EFHC2: variants seen among roughly 807,000 people sequenced by gnomAD.
EFHC2 encodes the protein EF-hand domain-containing family member C2.
Under a neutral mutation model 52.7 loss-of-function variants are expected in EFHC2, and 18 were observed. That is an observed-to-expected ratio of 0.34 (90% CI 0.24 to 0.51). The LOEUF (loss-of-function observed/expected upper bound fraction) is 0.51. EFHC2 is among the 20% of genes least tolerant of loss of function. The pLI is 0.97. For synonymous variants in EFHC2, 203 were observed against 204.1 expected (o/e 0.99, Z 0.04); for missense variants, 513 against 562.5 (o/e 0.91, Z 0.89).
chrX:44,180,372 C>T (rs1309647990), intron 11 of EFHC2, among the ~76,000 whole-genome samples: 1 of 112,367 alleles, frequency 8.9e-6, no homozygotes, highest in African/African-American at 3.2e-5. Context: ...AGGAAAGCCC[C>T]TGGCTCCTCT....
chrX:44,274,965 G>T (rs1309964488), intron 2 of EFHC2, among the ~76,000 whole-genome samples: 1 of 111,304 alleles, frequency 9.0e-6, no homozygotes, highest in Non-Finnish European at 1.9e-5. Flanking sequence ...AAGAGCTGGG[G>T]CTTCATCAAA....
At chrX:44,309,267 A>G (rs1283919980) in intron 2 of EFHC2, 10 of 526,307 alleles carry the variant, frequency 1.9e-5, no homozygotes, top group African/African-American at 5.8e-5. Flanking sequence ...GATTTTTTTT[A>G]TGAGATGGAA....
At chrX:44,238,715 G>A (rs2037338268) in intron 8 of EFHC2, among the ~76,000 whole-genome samples, 1 of 111,529 alleles carries the variant, frequency 9.0e-6, no homozygotes, top group South Asian at 3.8e-4. Flanking sequence ...CCTCAGTAAA[G>A]TCCATCAAGA....
chrX:44,263,921 T>C (rs1361720966), intron 3 of EFHC2, among the ~76,000 whole-genome samples: 4 of 111,990 alleles, frequency 3.6e-5, no homozygotes, highest in Non-Finnish European at 5.6e-5. Flanking sequence ...TTTTTCTAGG[T>C]GGCAAAAACT....
rs1256201493 is a variant in EFHC2, at chrX:44,305,154, C to T, written c.231+7414G>A. Among the ~76,000 whole-genome samples, 4 of 109,940 alleles carry T rather than the reference C, an allele frequency of 3.6e-5. No individual in the cohort carries two copies. The Middle Eastern group carries it at 0.014, about 378-fold the overall frequency. ...GTGGGTGCCTGTAGTCCCAGCTACT[C>T]GGGAGGCTGAGACAGGAGAATCGCT... On this transcript the variant is annotated intron_variant, in intron 2 of 14. Coordinates refer to ENST00000420999, the MANE Select transcript of EFHC2 (RefSeq NM_025184.4).
At chrX:44,240,208 G>A (rs780214497) in intron 8 of EFHC2, among the ~76,000 whole-genome samples, 11 of 111,962 alleles carry the variant, frequency 9.8e-5, no homozygotes, top group South Asian at 3.7e-4. Flanking sequence ...GTCTCCAGCC[G>A]AATGTGCTAG....
intron 12 of EFHC2, among the ~76,000 whole-genome samples, chrX:44,177,632 T>C (rs2036797311): frequency 8.9e-6 from 1 of 112,266 alleles, no homozygotes; most frequent in Admixed American, 9.4e-5. Flanking sequence ...ACAATCAATG[T>C]ATAAGAAATA....
At chrX:44,195,396 TAAATA>T (rs2036957219) in intron 11 of EFHC2, among the ~76,000 whole-genome samples, 1 of 111,316 alleles carries the variant, frequency 9.0e-6, no homozygotes, top group Non-Finnish European at 1.9e-5. Flanking sequence ...ACCTGTAAGC[TAAATA>T]AATGTGTGTG....
intron 11 of EFHC2, among the ~76,000 whole-genome samples, chrX:44,182,219 G>A (rs187479364): frequency 8.9e-6 from 1 of 112,068 alleles, no homozygotes; most frequent in East Asian, 2.8e-4. Context: ...CATTTTCAAG[G>A]TTCATCCATG....
At chrX:44,179,457 T>C (rs1307470387) in intron 11 of EFHC2, among the ~76,000 whole-genome samples, 1 of 112,083 alleles carries the variant, frequency 8.9e-6, no homozygotes, top group Non-Finnish European at 1.9e-5. Context: ...AAGAGGTCTT[T>C]CAGAATAAAT....
intron 1 of EFHC2, among the ~76,000 whole-genome samples, chrX:44,327,297 C>T (rs1276903161): frequency 8.9e-6 from 1 of 111,946 alleles, no homozygotes; most frequent in Non-Finnish European, 1.9e-5. Context: ...GATCTAGACT[C>T]AATCCCTTAA....
chrX:44,311,972 G>A (rs1278543244), intron 2 of EFHC2, among the ~76,000 whole-genome samples: 2 of 112,486 alleles, frequency 1.8e-5, no homozygotes, highest in Non-Finnish European at 3.8e-5. Context: ...TGAAGGAGAT[G>A]AGAGAAAGGT....
chrX:44,288,634 A>G (rs1282740599), intron 2 of EFHC2, among the ~76,000 whole-genome samples: 3 of 112,019 alleles, frequency 2.7e-5, no homozygotes, highest in Non-Finnish European at 5.6e-5. Flanking sequence ...TTTATGATTT[A>G]AATACATTGT....
chrX:44,330,018 G>T lies in EFHC2; in HGVS notation c.42+13529C>A, dbSNP rs747757153. Among the ~76,000 whole-genome samples the T allele has an allele frequency of 4.6e-4, 47 of 102,015 alleles. 1 individual carries two copies. The highest frequency in any genetic ancestry group is 1.4e-4 in the Non-Finnish European group (7 of 51,112). The allele number at this position is 102,015 out of a possible 115,157, so 88.6% of individuals were successfully genotyped here. A position where few individuals can be genotyped will look rare whatever the true frequency, so the allele number is the denominator to read the frequency against. ...AATCTTAGCACTGTGGGAGGCTGAG[G>T]CAGGTGCATCTCTTGAGTTCAAGAG... On this transcript the variant is annotated intron_variant, in intron 1 of 14. Transcript: ENST00000420999.
chrX:44,340,111 C>G (rs1228369352), intron 1 of EFHC2, among the ~76,000 whole-genome samples: 2 of 110,927 alleles, frequency 1.8e-5, no homozygotes, highest in Non-Finnish European at 3.8e-5. Flanking sequence ...AGAAATAGAC[C>G]CACACGTAGC....
chrX:44,205,141 C>T (rs1178057974), intron 11 of EFHC2, among the ~76,000 whole-genome samples: 1 of 111,411 alleles, frequency 9.0e-6, no homozygotes, highest in Non-Finnish European at 1.9e-5. Flanking sequence ...CTTTACCAGA[C>T]AAGCAAATGC....
chrX:44,184,292 T>C (rs1331087381), intron 11 of EFHC2, among the ~76,000 whole-genome samples: 1 of 111,921 alleles, frequency 8.9e-6, no homozygotes, highest in African/African-American at 3.3e-5. Flanking sequence ...GCCTTTGTAC[T>C]TGCTGTTCTC....
At chrX:44,224,369 C>T (rs2037215536) in intron 11 of EFHC2, among the ~76,000 whole-genome samples, 1 of 111,755 alleles carries the variant, frequency 8.9e-6, no homozygotes, top group South Asian at 3.8e-4. Flanking sequence ...ACAGCTGTGT[C>T]CTATGTATTA....
At chrX:44,325,257 G>C (rs191945456) in intron 1 of EFHC2, among the ~76,000 whole-genome samples, 128 of 111,726 alleles carry the variant, frequency 1.1e-3, no homozygotes, top group African/African-American at 3.7e-3. Context: ...CTTGAGATTT[G>C]CCATTATAGC....
Sources: gnomAD v4.1 joint callset for allele counts (sites outside exome capture counted in the v4.1 genomes callset) on GRCh38, gnomAD v4.1.1 for gene constraint, MANE v1.5 for transcripts, NCBI Gene and HGNC (gene_info 2026-07-23, HGNC 2026-07-21) for gene names.